The following GAD2 variants were observed in gnomAD, a reference collection of about 807,000 sequenced individuals.
GAD2 encodes the protein glutamate decarboxylase 2.
In GAD2, 22 loss-of-function variants were observed where a neutral mutation model predicts 80.1. The observed-to-expected ratio is 0.27, with a 90% CI of 0.20 to 0.39. The LOEUF is 0.39. GAD2 is among the 10% of genes least tolerant of loss of function. GAD2 has a pLI of 1.00. For synonymous variants in GAD2, 274 were observed against 256.9 expected, an observed-to-expected ratio of 1.07 and a Z score of -0.64; for missense variants, 624 against 738.4, an observed-to-expected ratio of 0.85 and a Z score of 1.80.
intron 15 of GAD2, 65 bp from the exon 16 acceptor site, chr10:26,300,723 G>A: frequency 6.9e-7 from 1 of 1,453,820 alleles, no homozygotes; most frequent in Non-Finnish European, 9.5e-7. Flanking sequence ...GCTTGCTGTT[G>A]GGTTCTTTGA....
At position 26,229,768 on chromosome 10, in the gene GAD2, G is replaced by T. The variant is rs200678631; in HGVS notation, c.831G>T (p.Thr277=). ...CTCTTCCCAGGCTCATTGCCTTCAC[G>T]TCTGAACATGTATGTGTTTCTTTTC... The part of the protein sequence containing the change: ...MAALPRLIAF[T]SEHSHFSLKK... Residue 277 remains threonine (T), a synonymous_variant, in exon 7 of 16, where the codon ACG becomes ACT. Transcript: ENST00000376261. The T allele has an allele frequency of 5.6e-6, 9 of 1,609,128 alleles. No individual in the cohort carries two copies. In the East Asian group the frequency reaches 8.9e-5, roughly 16 times the overall value.
chr10:26,281,095 T>A lies in GAD2; in HGVS notation c.1236+8T>A. ...CTCCTGGTTAGAGAAGAGGTATGTC[T>A]CTCTTGACTCTGTGTCCCAGTCCGT... On this transcript the variant is annotated splice_region_variant and intron_variant, in intron 12 of 15. Coordinates refer to ENST00000376261, the MANE Select transcript of GAD2 (RefSeq NM_001134366.2). 1 of 1,601,484 alleles carries A rather than the reference T, an allele frequency of 6.2e-7. No homozygotes were observed. The highest frequency in any genetic ancestry group is 8.6e-7 in the Non-Finnish European group (1 of 1,168,824).
chr10:26,269,217 C>T (rs770849574), intron 9 of GAD2, 44 bp downstream of exon 9: 1 of 1,488,988 alleles, frequency 6.7e-7, no homozygotes, highest in South Asian at 1.3e-5. Flanking sequence ...ATTTCTATTT[C>T]CATCCACCGG....
intron 8 of GAD2, among the ~76,000 whole-genome samples, chr10:26,263,983 A>G (rs190191149): frequency 3.3e-5 from 5 of 152,332 alleles, no homozygotes; most frequent in African/African-American, 9.6e-5. Context: ...TTTTGTTATC[A>G]GACAGCTCTA....
In GAD2 at chr10:26,302,969, AG is replaced by A. The variant is rs1232304573; in HGVS notation, c.*2009del. On this transcript the variant is annotated 3_prime_UTR_variant, in exon 16 of 16. Transcript: ENST00000376261. The stretch of plus-strand genomic sequence containing the variant: ...TTCTCAAAACTGCCTGCTGAGAATA[AG>A]CACATAGCTGCCCGACTATCCGGAG... 5 of 152,222 alleles carry A rather than the reference AG, an allele frequency of 3.3e-5. No homozygotes were observed. The highest frequency in any genetic ancestry group is 5.9e-5 in the Non-Finnish European group (4 of 68,046). The allele number at this position is 152,222 out of a possible 1,614,324, so 9.4% of individuals were successfully genotyped here.
intron 4 of GAD2, 82 bp from the exon 5 acceptor site, chr10:26,223,805 C>T (rs1844484539): frequency 9.2e-6 from 8 of 874,096 alleles, no homozygotes; most frequent in East Asian, 2.5e-5. Context: ...TTTCAAGGTC[C>T]TTTAGCTAGA....
rs143222428 is a variant in GAD2, at chr10:26,220,917, C to G, written c.520+1641C>G. 1.0e-2 allele frequency among the ~76,000 whole-genome samples: 1,517 copies of G among 152,302 alleles called. 12 individuals are homozygous for G. The highest frequency in any genetic ancestry group is 0.02 in the Middle Eastern group (6 of 294). ...AAAAGATGGGCTAATTCAATACTTA[C>G]ATTTTGCCATAATGCTTATGAAACT... On this transcript the variant is annotated intron_variant, in intron 4 of 15. Transcript: ENST00000376261.
chr10:26,261,642 A>C (rs1845009417), intron 8 of GAD2, among the ~76,000 whole-genome samples: 1 of 152,174 alleles, frequency 6.6e-6, no homozygotes, highest in Non-Finnish European at 1.5e-5. Flanking sequence ...TTTAATGGAA[A>C]TGTATTTAGG....
chr10:26,247,619 G>A (rs761017085), intron 8 of GAD2, among the ~76,000 whole-genome samples: 1 of 152,056 alleles, frequency 6.6e-6, no homozygotes, highest in South Asian at 2.1e-4. Context: ...AATCCGGCTG[G>A]GGGCAGTGGC....
chr10:26,276,609 AAC>A lies in GAD2; in HGVS notation c.1157+2910_1157+2911del, dbSNP rs1475203579. On this transcript the variant is annotated intron_variant, in intron 11 of 15. Coordinates refer to ENST00000376261, the MANE Select transcript of GAD2 (RefSeq NM_001134366.2). ...CACCATTTTGGCCAGGCTGGTCTTG[AAC>A]TCCTGACCTCAAGTGATCCGCTCGC... Among the ~76,000 whole-genome samples the A allele has an allele frequency of 8.7e-4, 133 of 152,076 alleles. 1 individual carries two copies. Among genetic ancestry groups the A allele is most frequent in the Non-Finnish European group, 1.8e-3 (120 of 68,008 alleles).
chr10:26,266,434 C>A (rs1845074873), intron 8 of GAD2, among the ~76,000 whole-genome samples: 1 of 152,154 alleles, frequency 6.6e-6, no homozygotes, highest in South Asian at 2.1e-4. Context: ...AGTTTCCTCC[C>A]CCAAGGCGTC....
intron 7 of GAD2, among the ~76,000 whole-genome samples, chr10:26,238,727 C>T: frequency 6.6e-6 from 1 of 152,220 alleles, no homozygotes; most frequent in East Asian, 1.9e-4. Context: ...TAATTAGAAA[C>T]CAATGAGGTG....
chr10:26,217,830 G>A lies in GAD2; in HGVS notation c.137-12G>A. 6.3e-7 allele frequency: 1 copy of A among 1,598,124 alleles called. No homozygotes were observed. The highest frequency in any genetic ancestry group is 1.1e-5 in the South Asian group (1 of 89,678). On this transcript the variant is annotated splice_polypyrimidine_tract_variant and intron_variant, in intron 2 of 15. Coordinates refer to ENST00000376261, the MANE Select transcript of GAD2 (RefSeq NM_001134366.2). The surrounding 1 kb of genome is among the most constrained non-coding windows in gnomAD (Gnocchi z 4.9). Reference sequence around the variant, plus strand: ...AGGATTGACGAGGCCCGCGTTCGGTGTCCTTACCCAGCCCTGCTCTACGGA... The same window carrying A: ...AGGATTGACGAGGCCCGCGTTCGGTATCCTTACCCAGCCCTGCTCTACGGA...
chr10:26,256,495 C>T lies in GAD2; in HGVS notation c.920+10495C>T, dbSNP rs1034326089. On this transcript the variant is annotated intron_variant, in intron 8 of 15. Transcript: ENST00000376261. ...CTATCTTTCCCAGTCCGGGATCACA[C>T]GTGGCATTTAGTTGTCATGTCTCTT... Among the ~76,000 whole-genome samples the T allele has an allele frequency of 3.9e-5, 6 of 152,148 alleles. No homozygotes were observed. In the South Asian group the frequency reaches 8.3e-4, roughly 21 times the overall value.
intron 14 of GAD2, among the ~76,000 whole-genome samples, 164 bp downstream of exon 14, chr10:26,292,736 A>G (rs1391135025): frequency 6.6e-6 from 1 of 152,234 alleles, no homozygotes; most frequent in Non-Finnish European, 1.5e-5. Context: ...GAAACTCTCA[A>G]AGTGGTCCAT....
At chr10:26,279,103 G>T (rs865784341) in intron 11 of GAD2, among the ~76,000 whole-genome samples, 1 of 151,944 alleles carries the variant, frequency 6.6e-6, no homozygotes, top group Non-Finnish European at 1.5e-5. Flanking sequence ...CAGTCTCTCC[G>T]GAGACAAGCG....
At chr10:26,235,981 C>T (rs1409508292) in intron 7 of GAD2, among the ~76,000 whole-genome samples, 1 of 152,198 alleles carries the variant, frequency 6.6e-6, no homozygotes, top group Non-Finnish European at 1.5e-5. Context: ...GTAACTAATT[C>T]GCTCCGCTCT....
chr10:26,259,029 G>A (rs1844977914), intron 8 of GAD2, among the ~76,000 whole-genome samples: 1 of 152,114 alleles, frequency 6.6e-6, no homozygotes, highest in African/African-American at 2.4e-5. Context: ...TATTGGTCAG[G>A]CTGGTCTCAA....
intron 12 of GAD2, among the ~76,000 whole-genome samples, chr10:26,281,847 A>T (rs1845275700): frequency 6.6e-6 from 1 of 152,172 alleles, no homozygotes; most frequent in Non-Finnish European, 1.5e-5. Context: ...ATGAAACCCA[A>T]ATAAGGAGCT....
Sources: allele counts gnomAD v4.1 joint callset (sites outside exome capture counted in the v4.1 genomes callset), GRCh38; gene constraint gnomAD v4.1.1; non-coding constraint Gnocchi (gnomAD v3.1); transcripts MANE v1.5; gene names NCBI Gene and HGNC (gene_info 2026-07-23, HGNC 2026-07-21).